Variants in CNGA4 observed in about 807,000 individuals in gnomAD.
The protein encoded by CNGA4 is cyclic nucleotide-gated channel alpha-4.
In CNGA4, 32 loss-of-function variants were observed where a neutral mutation model predicts 45.6. That is an observed-to-expected ratio of 0.70 (90% CI 0.53 to 0.94). The LOEUF (loss-of-function observed/expected upper bound fraction) is 0.94. Among genes scored for constraint, CNGA4 ranks in the 40% least tolerant of loss-of-function variants. The pLI, the probability that CNGA4 is intolerant of heterozygous loss-of-function variation, is 0.00. For synonymous variants in CNGA4, 293 were observed against 304.6 expected (o/e 0.96, Z 0.40); for missense variants, 726 against 755.1 (o/e 0.96, Z 0.45).
In CNGA4 at chr11:6,239,793, C is replaced by T; in HGVS notation, c.271+3C>T. On this transcript the variant is annotated splice_donor_region_variant and intron_variant, in intron 3 of 5. Transcript: ENST00000379936. ...CATGGTGGTGCGCTTCCACACAGGT[C>T]AGTGGGCTTCTAGGAATGACCCTTT... is the stretch of plus-strand genomic sequence containing the variant. 1 of 1,611,640 alleles carries T rather than the reference C, an allele frequency of 6.2e-7. No homozygotes were observed. The highest frequency in any genetic ancestry group is 8.5e-7 in the Non-Finnish European group (1 of 1,178,346).
chr11:6,238,637 G>A (rs1451291272), upstream of CNGA4, among the ~76,000 whole-genome samples: 1 of 152,216 alleles, frequency 6.6e-6, no homozygotes, highest in Non-Finnish European at 1.5e-5. Flanking sequence ...TGTGGAGGTA[G>A]ATAAGGGTAG....
chr11:6,235,318 G>C (rs1847816072), upstream of CNGA4, among the ~76,000 whole-genome samples: 1 of 152,190 alleles, frequency 6.6e-6, no homozygotes, highest in Non-Finnish European at 1.5e-5. Flanking sequence ...GTGCTGTGCT[G>C]CTCCGTCACC....
upstream of CNGA4, among the ~76,000 whole-genome samples, chr11:6,235,756 T>C (rs1847825058): frequency 6.6e-6 from 1 of 151,904 alleles, no homozygotes; most frequent in South Asian, 2.1e-4. Context: ...CTGACCAACA[T>C]AGTGAAACCC....
downstream of CNGA4, among the ~76,000 whole-genome samples, chr11:6,244,585 TACACACACACACACACACACAC>T (rs59621297): frequency 5.6e-5 from 8 of 141,848 alleles, no homozygotes; most frequent in Non-Finnish European, 9.2e-5. This position sits in a 1 kb window ranked among gnomAD's most constrained non-coding sequence, Gnocchi z 4.5. Context: ...CACTTACCAG[TACACACACACACACACACACAC>T]ACACACACAC....
At position 6,243,978 on chromosome 11, in the gene CNGA4, A is replaced by G. The variant is rs1847953452; in HGVS notation, c.1297A>G (p.Asn433Asp). ...GNMSGNRRTA[N>D]IKSLGYSDLF... ...CATGTCTGGGAACCGCCGCACAGCC[A>G]ACATCAAGAGCCTAGGTTATTCAGA... is the stretch of plus-strand genomic sequence containing the variant. The change falls in exon 6 of 6, where the codon AAC (asparagine) becomes GAC (aspartate). Residue 433 changes from asparagine to aspartate, a missense_variant. Coordinates refer to ENST00000379936, the MANE Select transcript of CNGA4 (RefSeq NM_001037329.4). 1.2e-6 allele frequency: 2 copies of G among 1,613,974 alleles called. No homozygotes were observed. Among genetic ancestry groups the G allele is most frequent in the Admixed American group, 1.7e-5 (1 of 60,020 alleles).
Position 6,241,677 on chromosome 11 carries a change from C to T in CNGA4, c.1164C>T (p.Ile388=). The T allele has an allele frequency of 6.2e-7, 1 of 1,614,172 alleles. No individual in the cohort carries two copies. Among genetic ancestry groups the T allele is most frequent in the Non-Finnish European group, 8.5e-7 (1 of 1,180,034 alleles). The change falls in exon 5 of 6, where the codon ATC becomes ATT. Residue 388 remains isoleucine (I), a synonymous_variant. Coordinates refer to ENST00000379936, the MANE Select transcript of CNGA4 (RefSeq NM_001037329.4). The stretch of plus-strand genomic sequence containing the variant: ...ACATTGGCCAAGAGATGTACATCAT[C>T]CGAGAGGGTCAACTGGCCGTGGTGG... The part of the protein sequence containing the change: ...KGDIGQEMYI[I]REGQLAVVAD...
chr11:6,241,474 G>A lies in CNGA4; in HGVS notation c.961G>A (p.Ala321Thr). ...QINKKMTNEV[A>T]ILQHLPERLR... The stretch of plus-strand genomic sequence containing the variant: ...CAACAAGAAGATGACCAACGAGGTA[G>A]CCATCTTACAGCACTTGCCTGAGCG... The change falls in exon 5 of 6, where the codon GCC becomes ACC. Residue 321 changes from alanine (A) to threonine (T), a missense_variant. Coordinates refer to ENST00000379936, the MANE Select transcript of CNGA4 (RefSeq NM_001037329.4). The A allele has an allele frequency of 1.2e-6, 2 of 1,603,790 alleles. No homozygotes were observed. The highest frequency in any genetic ancestry group is 1.7e-6 in the Non-Finnish European group (2 of 1,172,890).
rs1847871978 is a variant in CNGA4, at chr11:6,239,120, A to C, written c.-87A>C. The C allele has an allele frequency of 6.2e-7, 1 of 1,605,598 alleles. No individual in the cohort carries two copies. The highest frequency in any genetic ancestry group is 8.5e-7 in the Non-Finnish European group (1 of 1,176,464). ...AGCCCAACAGCAGCCTCCTTCAGGC[A>C]GTCAGGCACTAGTGCCCAACTCCAG... On this transcript the variant is annotated 5_prime_UTR_variant, in exon 1 of 6. Transcript: ENST00000379936.
intron 3 of CNGA4, 65 bp downstream of exon 3, chr11:6,239,855 A>C: frequency 6.6e-7 from 1 of 1,516,192 alleles, no homozygotes; most frequent in Non-Finnish European, 9.0e-7. Flanking sequence ...CCACTTAAGA[A>C]GTAACAAGAA....
chr11:6,239,505 G>A lies in CNGA4; in HGVS notation c.164+20G>A. ...GTGCAGGTATGGCAGCGGTGCTAAG[G>A]GAGGGGCTGGAAGCCAAAAAGAGGA... On this transcript the variant is annotated intron_variant, in intron 2 of 5. Coordinates refer to ENST00000379936, the MANE Select transcript of CNGA4 (RefSeq NM_001037329.4). 1 of 1,612,540 alleles carries A rather than the reference G, an allele frequency of 6.2e-7. No individual in the cohort carries two copies. Among genetic ancestry groups the A allele is most frequent in the Non-Finnish European group, 8.5e-7 (1 of 1,178,528 alleles).
chr11:6,235,947 AAAAAG>A (rs1194097053), upstream of CNGA4, among the ~76,000 whole-genome samples: 2 of 152,016 alleles, frequency 1.3e-5, no homozygotes, highest in East Asian at 1.9e-4. Context: ...TCAAAAAAAA[AAAAAG>A]AAAAGAAAAA....
chr11:6,239,348 T>C, intron 1 of CNGA4, 36 bp from the exon 2 acceptor site: 1 of 1,613,192 alleles, frequency 6.2e-7, no homozygotes, highest in Non-Finnish European at 8.5e-7. Flanking sequence ...TTTGAATGCC[T>C]GGTGAATAAA....
intron 1 of CNGA4, 41 bp from the exon 2 acceptor site, chr11:6,239,343 A>G: frequency 6.2e-7 from 1 of 1,613,078 alleles, no homozygotes; most frequent in South Asian, 1.1e-5. Context: ...ACAGCTTTGA[A>G]TGCCTGGTGA....
At position 6,244,194 on chromosome 11, in the gene CNGA4, G is replaced by T. The variant is rs1847958032; in HGVS notation, c.1513G>T (p.Asp505Tyr). The change falls in exon 6 of 6, where the codon GAT becomes TAT. Residue 505 changes from aspartate to tyrosine, a missense_variant. Asp to Tyr is a radical substitution (Grantham distance 160). Coordinates refer to ENST00000379936, the MANE Select transcript of CNGA4 (RefSeq NM_001037329.4). The surrounding 1 kb of genome is among the most constrained non-coding windows in gnomAD (Gnocchi z 4.5). ...GCTACGAGGCCTAGACCAGCAGCTGGATGATCTACAGACCAAGTTTGCTCG... is the reference window on the plus strand; with the variant it reads ...GCTACGAGGCCTAGACCAGCAGCTGTATGATCTACAGACCAAGTTTGCTCG... ...SRLRGLDQQL[D>Y]DLQTKFARLL... is the part of the protein sequence containing the mutation. 1 of 1,614,230 alleles carries T rather than the reference G, an allele frequency of 6.2e-7. No homozygotes were observed. Among genetic ancestry groups the T allele is most frequent in the African/African-American group, 1.3e-5 (1 of 75,054 alleles).
At position 6,239,422 on chromosome 11, in the gene CNGA4, A is replaced by G. The variant is rs1324587552; in HGVS notation, c.101A>G (p.Tyr34Cys). The change falls in exon 2 of 6, where the codon TAC becomes TGC. Residue 34 changes from tyrosine (Y) to cysteine (C), a missense_variant. Tyr to Cys is a radical substitution (Grantham distance 194). Transcript: ENST00000379936. ...LPVLDPSGDY[Y>C]YWWLNTMVFP... is the part of the protein sequence containing the mutation. ...GTCCTGGACCCATCTGGGGATTACT[A>G]CTACTGGTGGCTGAACACAATGGTC... The G allele has an allele frequency of 3.1e-6, 5 of 1,614,080 alleles. No homozygotes were observed. The highest frequency in any genetic ancestry group is 3.3e-5 in the Admixed American group (2 of 60,012).
At chr11:6,237,347 G>C (rs1295060199), upstream of CNGA4, among the ~76,000 whole-genome samples, 2 of 152,170 alleles carry the variant, frequency 1.3e-5, no homozygotes, top group African/African-American at 4.8e-5. Flanking sequence ...GGAAGATAAT[G>C]AGCTTAGTTA....
In CNGA4 at chr11:6,239,478, G is replaced by C; in HGVS notation, c.157G>C (p.Val53Leu). 1 of 1,614,090 alleles carries C rather than the reference G, an allele frequency of 6.2e-7. No homozygotes were observed. The highest frequency in any genetic ancestry group is 8.5e-7 in the Non-Finnish European group (1 of 1,179,988). The part of the protein sequence containing the change: ...FPVMYNLIIL[V>L]CRACFPDLQH... ...AGTCATGTATAACCTCATCATCCTC[G>C]TGTGCAGGTATGGCAGCGGTGCTAA... Residue 53 changes from valine (V) to leucine (L), a missense_variant, in exon 2 of 6, where the codon GTG (valine) becomes CTG (leucine). Val to Leu is a conservative substitution (Grantham distance 32, BLOSUM62 1). Transcript: ENST00000379936.
chr11:6,240,169 A>G lies in CNGA4; in HGVS notation c.375A>G (p.Thr125=). The G allele has an allele frequency of 6.2e-7, 1 of 1,614,198 alleles. No homozygotes were observed. The highest frequency in any genetic ancestry group is 1.1e-5 in the South Asian group (1 of 91,084). ...FFLDLASLMP[T]DVVYVRLGPH... ...TGGACCTGGCTTCCCTGATGCCCAC[A>G]GATGTGGTCTACGTGCGGCTGGGCC... is the stretch of plus-strand genomic sequence containing the variant. The change falls in exon 4 of 6, where the codon ACA becomes ACG. Residue 125 remains threonine, a synonymous_variant. Coordinates refer to ENST00000379936, the MANE Select transcript of CNGA4 (RefSeq NM_001037329.4). The surrounding 1 kb of genome is among the most constrained non-coding windows in gnomAD (Gnocchi z 4.9).
intron 5 of CNGA4, among the ~76,000 whole-genome samples, chr11:6,243,087 T>C (rs1847939542): frequency 6.6e-6 from 1 of 152,166 alleles, no homozygotes; most frequent in Non-Finnish European, 1.5e-5. Context: ...TCCAACTGAC[T>C]CTTTTCTACC....
Sources: allele counts gnomAD v4.1 joint callset (sites outside exome capture counted in the v4.1 genomes callset), GRCh38; gene constraint gnomAD v4.1.1; non-coding constraint Gnocchi (gnomAD v3.1); transcripts MANE v1.5; gene names NCBI Gene and HGNC (gene_info 2026-07-23, HGNC 2026-07-21).